TMIGD3: variants seen among roughly 807,000 people sequenced by gnomAD.
The protein encoded by TMIGD3 is AD026 protein (AD026).
A neutral mutation model predicts 28.1 loss-of-function variants in TMIGD3; 21 were observed. The observed-to-expected ratio is 0.75, with a 90% CI of 0.53 to 1.08. The LOEUF (loss-of-function observed/expected upper bound fraction) is 1.08, where lower values mean the gene tolerates loss of function less well. Among genes scored for constraint, TMIGD3 ranks in the 50% least tolerant of loss-of-function variants. The probability of loss-of-function intolerance (pLI) is 0.00; values close to 1 mark genes in which losing one functional copy is unlikely to be tolerated. For synonymous variants in TMIGD3, 151 were observed against 162.1 expected, an observed-to-expected ratio of 0.93 and a Z score of 0.52; for missense variants, 416 against 435.6, an observed-to-expected ratio of 0.96 and a Z score of 0.40.
At chr1:111,542,404 C>A in intron 1 of TMIGD3, 1 of 233,650 alleles carries the variant, frequency 4.3e-6, no homozygotes. Context: ...TGCCTGAGGA[C>A]CTCCATTTAT....
chr1:111,562,125 C>A (rs1657765550), intron 1 of TMIGD3, among the ~76,000 whole-genome samples: 1 of 152,128 alleles, frequency 6.6e-6, no homozygotes, highest in South Asian at 2.1e-4. Flanking sequence ...CATTTCTTTT[C>A]TATGAGATGG....
rs147067806 is a variant in TMIGD3 at position 111,488,086 on chromosome 1, T to A, written c.805+591A>T. Among the ~76,000 whole-genome samples, 623 of 152,250 alleles carry A rather than the reference T, an allele frequency of 4.1e-3. 4 individuals are homozygous for A. Among genetic ancestry groups the A allele is most frequent in the African/African-American group, 0.014 (592 of 41,536 alleles). On this transcript the variant is annotated intron_variant, in intron 3 of 5. Transcript: ENST00000369716. ...TCCCAAACTGCTGGGATTACAGGAG[T>A]GAGCCACCGCACCTGGCTACCTCCG...
intron 1 of TMIGD3, chr1:111,500,759 C>A: frequency 1.0e-5 from 6 of 579,698 alleles, no homozygotes; most frequent in South Asian, 7.8e-5. Context: ...GATGAGCAGA[C>A]AACGATTGGA....
chr1:111,486,683 G>T, intron 3 of TMIGD3, 31 bp from the exon 4 acceptor site: 3 of 1,593,710 alleles, frequency 1.9e-6, no homozygotes, highest in Non-Finnish European at 2.6e-6. Flanking sequence ...TAAGTCAGGT[G>T]AGGCCCATAG....
chr1:111,494,648 T>A (rs759510811), intron 1 of TMIGD3, among the ~76,000 whole-genome samples: 3 of 152,110 alleles, frequency 2.0e-5, no homozygotes, highest in Non-Finnish European at 4.4e-5. Context: ...AAACTACCAA[T>A]GAAATTGATA....
intron 1 of TMIGD3, among the ~76,000 whole-genome samples, chr1:111,515,055 T>C (rs963812786): frequency 2.0e-5 from 3 of 152,144 alleles, no homozygotes; most frequent in Admixed American, 6.5e-5. Flanking sequence ...GAACCCCACA[T>C]TGAATCCAAC....
intron 1 of TMIGD3, among the ~76,000 whole-genome samples, chr1:111,544,132 ATC>A (rs1165067121): frequency 6.6e-6 from 1 of 152,202 alleles, no homozygotes; most frequent in African/African-American, 2.4e-5. Context: ...AAACTAACTT[ATC>A]TCTGTTAATG....
At chr1:111,548,933 A>G (rs1657141321) in intron 1 of TMIGD3, among the ~76,000 whole-genome samples, 1 of 152,186 alleles carries the variant, frequency 6.6e-6, no homozygotes, top group Non-Finnish European at 1.5e-5. Context: ...CTCAATCTAG[A>G]TCTTGTTCAG....
intron 1 of TMIGD3, chr1:111,499,744 T>C (rs1209687201): frequency 7.2e-7 from 1 of 1,396,224 alleles, no homozygotes; most frequent in African/African-American, 1.4e-5. Context: ...AAACACTGAA[T>C]TAGAGAGAAA....
chr1:111,542,410 T>A lies in TMIGD3; in HGVS notation c.107+21436A>T, dbSNP rs373675355. 6.2e-4 allele frequency: 143 copies of A among 232,466 alleles called. 2 individuals carry two copies. The Middle Eastern group carries it at 0.013, about 21-fold the overall frequency. 14.4% of individuals were successfully genotyped at this position (232,466 alleles called of 1,614,324 possible). ...GCAGGAAGCTGCCTGAGGACCTCCA[T>A]TTATTTGGTGAAAAACTGGGCTCCG... is the stretch of plus-strand genomic sequence containing the variant. On this transcript the variant is annotated intron_variant, in intron 1 of 5. Coordinates refer to the TMIGD3 transcript ENST00000369717.
chr1:111,504,727 TG>T, upstream of TMIGD3: 1 of 268,940 alleles, frequency 3.7e-6, no homozygotes, highest in Non-Finnish European at 5.7e-6. Context: ...CACTTCAGAG[TG>T]GGGCATAAGG....
At position 111,503,125 on chromosome 1, in the gene TMIGD3, G is replaced by T; in HGVS notation, c.230C>A (p.Thr77Lys). The T allele has an allele frequency of 1.2e-6, 2 of 1,614,210 alleles. No individual in the cohort carries two copies. The highest frequency in any genetic ancestry group is 1.6e-4 in the Middle Eastern group (1 of 6,062). The change falls in exon 1 of 6, where the codon ACA (threonine) becomes AAA (lysine). Residue 77 changes from threonine (T) to lysine (K), a missense_variant. By Grantham distance (78) the Thr-to-Lys change is moderately conservative. Coordinates refer to ENST00000369716, the MANE Select transcript of TMIGD3 (RefSeq NM_020683.7). ...AAAAAGGCAGCTGTAGAAGTGGATT[G>T]TGATGCCCAGGCTGACAACAATGGC... ...PLAIVVSLGI[T>K]IHFYSCLFMT...
intron 1 of TMIGD3, among the ~76,000 whole-genome samples, chr1:111,541,848 G>C (rs546055187): frequency 1.3e-5 from 2 of 152,280 alleles, no homozygotes; most frequent in South Asian, 2.1e-4. Context: ...GAACTGGAGT[G>C]TATCAAGAAA....
At chr1:111,549,514 G>C (rs561809135) in intron 1 of TMIGD3, among the ~76,000 whole-genome samples, 93 of 151,972 alleles carry the variant, frequency 6.1e-4, no homozygotes, top group Non-Finnish European at 1.2e-3. Flanking sequence ...ACCTGGTGTG[G>C]TGGCATGCGC....
intron 1 of TMIGD3, among the ~76,000 whole-genome samples, chr1:111,546,759 T>C (rs1485045724): frequency 6.6e-6 from 1 of 152,196 alleles, no homozygotes; most frequent in African/African-American, 2.4e-5. Flanking sequence ...TTTAAGTCCC[T>C]ACTTTTAATG....
intron 1 of TMIGD3, among the ~76,000 whole-genome samples, chr1:111,546,057 G>A (rs918218005): frequency 2.0e-5 from 3 of 152,108 alleles, no homozygotes; most frequent in Non-Finnish European, 4.4e-5. Flanking sequence ...AGAATTGTGA[G>A]TCCTTCAATT....
At chr1:111,521,060 AT>A (rs1421794248) in intron 1 of TMIGD3, among the ~76,000 whole-genome samples, 4 of 148,052 alleles carry the variant, frequency 2.7e-5, no homozygotes, top group Non-Finnish European at 5.9e-5. Flanking sequence ...GTTATTACAG[AT>A]TAGTTTGTAT....
At chr1:111,520,194 A>G (rs1656010440) in intron 1 of TMIGD3, among the ~76,000 whole-genome samples, 1 of 152,220 alleles carries the variant, frequency 6.6e-6, no homozygotes, top group African/African-American at 2.4e-5. Flanking sequence ...TGCCAGAGCC[A>G]GCTTGCTTTC....
At chr1:111,538,465 T>G (rs572327780) in intron 1 of TMIGD3, among the ~76,000 whole-genome samples, 1 of 152,170 alleles carries the variant, frequency 6.6e-6, no homozygotes, top group Admixed American at 6.5e-5. Flanking sequence ...GGTGAGGATG[T>G]CTCTCTTTTG....
Sources: gnomAD v4.1 joint callset for allele counts (sites outside exome capture counted in the v4.1 genomes callset) on GRCh38, gnomAD v4.1.1 for gene constraint, MANE v1.5 for transcripts, NCBI Gene and HGNC (gene_info 2026-07-23, HGNC 2026-07-21) for gene names.